Variants in CST8 observed in about 807,000 individuals in gnomAD.
CST8 encodes the protein cystatin 8, also known as cystatin-8.
A neutral mutation model predicts 11.8 loss-of-function variants in CST8; 20 were observed. The observed-to-expected ratio is 1.70, with a 90% CI of 1.20 to 2.47. CST8 has a LOEUF of 2.47. Ranked by LOEUF, CST8 falls within the 30% of genes most tolerant of loss-of-function variation. The pLI, the probability that CST8 is intolerant of heterozygous loss-of-function variation, is 0.00. For missense variants in CST8, 196 were observed against 167.2 expected (o/e 1.17, Z -0.95); for synonymous variants, 77 against 63.1 (o/e 1.22, Z -1.05).
At position 23,491,208 on chromosome 20, in the gene CST8, T is replaced by G; in HGVS notation, c.-278T>G. On this transcript the variant is annotated 5_prime_UTR_variant, in exon 1 of 4. Transcript: ENST00000246012. ...GGTCAGCTCCCAGCTCCACAGGGAG[T>G]AAGAAGGAGCTGCAGGCACAGCAGG... 1 of 165,966 alleles carries G rather than the reference T, an allele frequency of 6.0e-6. No individual in the cohort carries two copies. The highest frequency in any genetic ancestry group is 1.3e-5 in the Non-Finnish European group (1 of 77,488). 10.3% of individuals were successfully genotyped at this position (165,966 alleles called of 1,614,324 possible). A position where few individuals can be genotyped will look rare whatever the true frequency, so the allele number is the denominator to read the frequency against.
chr20:23,496,663 C>T (rs1988054813), downstream of CST8, among the ~76,000 whole-genome samples: 1 of 152,190 alleles, frequency 6.6e-6, no homozygotes, highest in African/African-American at 2.4e-5. Flanking sequence ...TTTCCTCGTC[C>T]TAATAAGCCT....
At position 23,495,971 on chromosome 20, in the gene CST8, C is replaced by G; in HGVS notation, c.*57C>G. On this transcript the variant is annotated 3_prime_UTR_variant, in exon 4 of 4. Transcript: ENST00000246012. ...GACTACTTTATCCATGAAAATGAAG[C>G]AATGGCAGGTGGGAGGCTCTTCCCA... The G allele has an allele frequency of 7.4e-7, 1 of 1,352,548 alleles. No individual in the cohort carries two copies. Among genetic ancestry groups the G allele is most frequent in the East Asian group, 2.3e-5 (1 of 43,006 alleles). The allele number at this position is 1,352,548 out of a possible 1,614,324, so 83.8% of individuals were successfully genotyped here. A position where few individuals can be genotyped will look rare whatever the true frequency, so the allele number is the denominator to read the frequency against.
At chr20:23,506,413 T>A in the CST8 span, among the ~76,000 whole-genome samples, 1 of 152,192 alleles carries the variant, frequency 6.6e-6, no homozygotes, top group Non-Finnish European at 1.5e-5. Context: ...ACCAGTTTTA[T>A]AGAAAAGCAT....
downstream of CST8, chr20:23,496,048 C>A (rs1026209717): frequency 2.9e-6 from 2 of 687,686 alleles, no homozygotes; most frequent in Non-Finnish European, 4.9e-6. Context: ...TTTTTAGTTG[C>A]ATATATGTGG....
chr20:23,494,810 G>T (rs1484412990), intron 3 of CST8, among the ~76,000 whole-genome samples: 1 of 152,170 alleles, frequency 6.6e-6, no homozygotes, highest in Non-Finnish European at 1.5e-5. Flanking sequence ...AGAACAAAAG[G>T]GATTTTAAAA....
chr20:23,503,468 C>T, the CST8 span, among the ~76,000 whole-genome samples: 1 of 151,908 alleles, frequency 6.6e-6, no homozygotes, highest in Non-Finnish European at 1.5e-5. Context: ...AGGCAAAGAG[C>T]GTTAGGTGGG....
downstream of CST8, among the ~76,000 whole-genome samples, chr20:23,498,581 T>C (rs1459210001): frequency 1.3e-5 from 2 of 152,134 alleles, no homozygotes; most frequent in East Asian, 3.9e-4. Flanking sequence ...AAGTGGAACT[T>C]GCCTTGGAAA....
At chr20:23,492,911 A>T (rs762049689) in intron 2 of CST8, 47 bp from the exon 3 acceptor site, 3 of 1,144,258 alleles carry the variant, frequency 2.6e-6, no homozygotes, top group Non-Finnish European at 2.6e-6. Flanking sequence ...AAAACTTTAA[A>T]AAAGTACAAC....
At chr20:23,501,994 G>A in the CST8 span, among the ~76,000 whole-genome samples, 5 of 152,214 alleles carry the variant, frequency 3.3e-5, no homozygotes, top group African/African-American at 7.2e-5. Flanking sequence ...CCATGCTGTA[G>A]CTTGACCACC....
intron 1 of CST8, 49 bp from the exon 2 acceptor site, chr20:23,491,476 G>A (rs1189353766): frequency 1.7e-6 from 1 of 596,882 alleles, no homozygotes; most frequent in Non-Finnish European, 3.0e-6. Context: ...CATGGAGAAA[G>A]AGAGGACAAA....
the CST8 span, among the ~76,000 whole-genome samples, chr20:23,505,712 A>T: frequency 6.6e-6 from 1 of 152,144 alleles, no homozygotes; most frequent in South Asian, 2.1e-4. Context: ...CCTCCATTAG[A>T]CTTGCTGCAC....
chr20:23,505,931 A>G, the CST8 span, among the ~76,000 whole-genome samples: 1 of 152,184 alleles, frequency 6.6e-6, no homozygotes, highest in Non-Finnish European at 1.5e-5. Context: ...AATTCTGTAC[A>G]TTAACATGCA....
downstream of CST8, among the ~76,000 whole-genome samples, chr20:23,498,747 C>G (rs143767599): frequency 2.6e-5 from 4 of 152,326 alleles, no homozygotes; most frequent in African/African-American, 9.6e-5. Context: ...ACAAAGGAAC[C>G]AGGATTGGAA....
chr20:23,498,238 G>A (rs939945302), downstream of CST8, among the ~76,000 whole-genome samples: 2 of 152,168 alleles, frequency 1.3e-5, no homozygotes, highest in East Asian at 1.9e-4. Context: ...AGACAACACT[G>A]CTGAACTACA....
intron 3 of CST8, among the ~76,000 whole-genome samples, chr20:23,494,348 C>T (rs1169950277): frequency 6.6e-6 from 1 of 152,120 alleles, no homozygotes; most frequent in African/African-American, 2.4e-5. Context: ...TCTAAGATTT[C>T]CATGATACGT....
the CST8 span, among the ~76,000 whole-genome samples, chr20:23,504,917 C>A: frequency 2.0e-5 from 3 of 152,014 alleles, no homozygotes; most frequent in Non-Finnish European, 4.4e-5. Flanking sequence ...GCAAATGGAA[C>A]CTGCAATCAG....
intron 3 of CST8, 102 bp from the exon 4 acceptor site, chr20:23,495,729 A>G: frequency 1.2e-6 from 1 of 859,058 alleles, no homozygotes; most frequent in South Asian, 1.5e-5. Flanking sequence ...ATCTGTCAGC[A>G]CACACCTAAA....
intron 3 of CST8, among the ~76,000 whole-genome samples, chr20:23,493,343 G>A (rs1987948817): frequency 1.3e-5 from 2 of 152,136 alleles, no homozygotes; most frequent in South Asian, 4.1e-4. Flanking sequence ...TTTTGATGCA[G>A]GCACACTGGA....
downstream of CST8, chr20:23,496,116 C>G: frequency 1.8e-6 from 1 of 558,368 alleles, no homozygotes; most frequent in Non-Finnish European, 3.1e-6. Flanking sequence ...AGCCACGCAC[C>G]TTTGTTCAGC....
Sources: gnomAD v4.1 joint callset for allele counts (sites outside exome capture counted in the v4.1 genomes callset) on GRCh38, gnomAD v4.1.1 for gene constraint, MANE v1.5 for transcripts, NCBI Gene and HGNC (gene_info 2026-07-23, HGNC 2026-07-21) for gene names.